MCPH1: variants seen among roughly 807,000 people sequenced by gnomAD.
MCPH1 encodes the protein microcephalin.
MCPH1 carries 104 observed loss-of-function variants against 84.5 expected under a neutral mutation model. The observed-to-expected ratio is 1.23, with a 90% CI of 1.05 to 1.45. The LOEUF (loss-of-function observed/expected upper bound fraction) is 1.45, where lower values mean the gene tolerates loss of function less well. MCPH1 is among the 40% of genes most tolerant of loss of function. The pLI, the probability that MCPH1 is intolerant of heterozygous loss-of-function variation, is 0.00. For synonymous variants in MCPH1, 514 were observed against 366.8 expected (o/e 1.40, Z -4.58); for missense variants, 1,498 against 1,005.7 (o/e 1.49, Z -6.62).
In MCPH1 at chr8:6,643,055, A is replaced by T; in HGVS notation, c.*6A>T. On this transcript the variant is annotated 3_prime_UTR_variant, in exon 14 of 14. Coordinates refer to ENST00000344683, the MANE Select transcript of MCPH1 (RefSeq NM_024596.5). ...ACTACCTATTGTCACAATGACAGTGACCTCACTGGCCTGTGGTGACTGCAC... is the reference window on the plus strand; with the variant it reads ...ACTACCTATTGTCACAATGACAGTGTCCTCACTGGCCTGTGGTGACTGCAC... 1 of 1,613,052 alleles carries T rather than the reference A, an allele frequency of 6.2e-7. No homozygotes were observed. Among genetic ancestry groups the T allele is most frequent in the Non-Finnish European group, 8.5e-7 (1 of 1,179,104 alleles).
intron 12 of MCPH1, among the ~76,000 whole-genome samples, chr8:6,603,296 T>C (rs900420713): frequency 1.3e-5 from 2 of 152,006 alleles, no homozygotes; most frequent in African/African-American, 4.8e-5. Flanking sequence ...TCACTGGTGA[T>C]TGTGCAGGGG....
chr8:6,526,443 A>C lies in MCPH1; in HGVS notation c.2214+26514A>C, dbSNP rs547799325. ...GAGTGAGACCCTGTCTCAAAAAAAAAACACAGAAAAGAAAATGAAATTAGC... is the reference window on the plus strand; with the variant it reads ...GAGTGAGACCCTGTCTCAAAAAAAACACACAGAAAAGAAAATGAAATTAGC... On this transcript the variant is annotated intron_variant, in intron 12 of 13. Transcript: ENST00000344683. Among the ~76,000 whole-genome samples the C allele has an allele frequency of 2.1e-3, 320 of 152,180 alleles. 1 individual carries two copies. The highest frequency in any genetic ancestry group is 3.1e-3 in the Admixed American group (47 of 15,266).
Position 6,445,252 on chromosome 8 carries a change from T to G in MCPH1, c.1530T>G (p.Cys510Trp), listed in dbSNP as rs1333771271. The change falls in exon 8 of 14, where the codon TGT (cysteine) becomes TGG (tryptophan). Residue 510 changes from cysteine (C) to tryptophan (W), a missense_variant. By Grantham distance (215) the Cys-to-Trp change is radical. Transcript: ENST00000344683. The part of the protein sequence containing the change: ...TSAPEEALRC[C>W]RQAGKEDACP... Reference sequence around the variant, plus strand: ...CCCCTGAAGAAGCCCTAAGGTGTTGTAGACAGGCTGGGAAAGAAGACGCAT... The same window carrying G: ...CCCCTGAAGAAGCCCTAAGGTGTTGGAGACAGGCTGGGAAAGAAGACGCAT... The G allele has an allele frequency of 6.2e-7, 1 of 1,614,194 alleles. No homozygotes were observed. The highest frequency in any genetic ancestry group is 8.5e-7 in the Non-Finnish European group (1 of 1,180,028).
At chr8:6,440,004 T>A (rs1803270019) in intron 6 of MCPH1, among the ~76,000 whole-genome samples, 1 of 152,218 alleles carries the variant, frequency 6.6e-6, no homozygotes, top group African/African-American at 2.4e-5. Context: ...GAGGTGTAAT[T>A]TCTGTTTTAC....
At chr8:6,477,308 G>A (rs1318038421) in intron 9 of MCPH1, 7 of 403,188 alleles carry the variant, frequency 1.7e-5, no homozygotes, top group African/African-American at 1.0e-4. Flanking sequence ...ACACTTGGAG[G>A]TCTGCTGGCT....
At chr8:6,605,110 C>G (rs1829656590) in intron 12 of MCPH1, among the ~76,000 whole-genome samples, 1 of 152,200 alleles carries the variant, frequency 6.6e-6, no homozygotes, top group South Asian at 2.1e-4. Context: ...CCTGGTCCCA[C>G]AGCAGGTGCT....
At chr8:6,418,738 C>A (rs762222040) in intron 3 of MCPH1, among the ~76,000 whole-genome samples, 1 of 152,034 alleles carries the variant, frequency 6.6e-6, no homozygotes, top group Non-Finnish European at 1.5e-5. Context: ...CGTGCCACCA[C>A]GCCCAGCTAA....
intron 8 of MCPH1, 160 bp downstream of exon 8, chr8:6,445,707 A>G: frequency 1.4e-6 from 2 of 1,421,008 alleles, no homozygotes; most frequent in Non-Finnish European, 1.8e-6. Flanking sequence ...TAAACTCTTT[A>G]GGAATAGATG....
chr8:6,416,851 A>T (rs1024555718), intron 3 of MCPH1, among the ~76,000 whole-genome samples: 3 of 152,008 alleles, frequency 2.0e-5, no homozygotes, highest in African/African-American at 7.2e-5. Flanking sequence ...AAAATTAGCC[A>T]GTCATGTTGG....
At chr8:6,469,820 A>G (rs549233669) in intron 9 of MCPH1, among the ~76,000 whole-genome samples, 7 of 152,308 alleles carry the variant, frequency 4.6e-5, no homozygotes, top group Non-Finnish European at 4.4e-5. Context: ...CATGCATTCA[A>G]TACTCTTTTT....
intron 12 of MCPH1, among the ~76,000 whole-genome samples, chr8:6,577,618 C>G (rs1268367359): frequency 1.3e-5 from 2 of 152,256 alleles, no homozygotes; most frequent in African/African-American, 4.8e-5. Context: ...TTGCATGAAG[C>G]TAAATCTTTG....
rs1307856075 is a variant in MCPH1 at position 6,511,154 on chromosome 8, T to C, written c.2214+11225T>C. 2.6e-5 allele frequency among the ~76,000 whole-genome samples: 4 copies of C among 152,342 alleles called. 1 individual carries two copies. The East Asian group carries it at 7.7e-4, about 29-fold the overall frequency. On this transcript the variant is annotated intron_variant, in intron 12 of 13. Transcript: ENST00000344683. ...AGAAAAATAAGGGAGAATACTATTT[T>C]TTATGAGTCTCTGTTAGAAAGGTTT...
intron 12 of MCPH1, among the ~76,000 whole-genome samples, chr8:6,509,469 G>C (rs956316753): frequency 1.3e-5 from 2 of 152,180 alleles, no homozygotes; most frequent in Admixed American, 6.5e-5. Context: ...TCCGCAGGGG[G>C]CCCCGGGGGG....
At chr8:6,421,397 C>G (rs1485632061) in intron 3 of MCPH1, among the ~76,000 whole-genome samples, 2 of 152,154 alleles carry the variant, frequency 1.3e-5, no homozygotes, top group East Asian at 3.9e-4. Flanking sequence ...AATACTTCAA[C>G]ACATGGATCA....
chr8:6,608,933 C>T (rs1388766967), intron 12 of MCPH1, among the ~76,000 whole-genome samples: 1 of 152,206 alleles, frequency 6.6e-6, no homozygotes, highest in Non-Finnish European at 1.5e-5. Context: ...ATTCTAACAG[C>T]TTCCCAGGCG....
At chr8:6,537,829 C>G (rs1414953572) in intron 12 of MCPH1, among the ~76,000 whole-genome samples, 2 of 152,122 alleles carry the variant, frequency 1.3e-5, no homozygotes, top group Non-Finnish European at 2.9e-5. Flanking sequence ...CTATCCCCAA[C>G]TTGGAGATTC....
At chr8:6,478,537 G>A (rs1975623) in intron 10 of MCPH1, among the ~76,000 whole-genome samples, 146,069 of 152,274 alleles carry the variant, frequency 0.96, 70,350 homozygotes, top group East Asian at 1. Context: ...CATTTAGGCC[G>A]TCTTCTTGTC....
At chr8:6,468,254 A>T (rs1374770775) in intron 9 of MCPH1, among the ~76,000 whole-genome samples, 1 of 151,890 alleles carries the variant, frequency 6.6e-6, no homozygotes, top group Non-Finnish European at 1.5e-5. Context: ...GGAATTCCCT[A>T]TGGTCCTTTG....
chr8:6,518,896 A>G lies in MCPH1; in HGVS notation c.2214+18967A>G, dbSNP rs192671030. 1.6e-4 allele frequency among the ~76,000 whole-genome samples: 25 copies of G among 152,280 alleles called. No homozygotes were observed. In the East Asian group the frequency reaches 1.7e-3, roughly 11 times the overall value. On this transcript the variant is annotated intron_variant, in intron 12 of 13. Transcript: ENST00000344683. Reference sequence around the variant, plus strand: ...AATGTTTAAGAGAAGCCACATTGAAATATTCTCCGGAAGGGTTTTTTTTTT... The same window carrying G: ...AATGTTTAAGAGAAGCCACATTGAAGTATTCTCCGGAAGGGTTTTTTTTTT...
Sources: gnomAD v4.1 joint callset for allele counts (sites outside exome capture counted in the v4.1 genomes callset) on GRCh38, gnomAD v4.1.1 for gene constraint, MANE v1.5 for transcripts, NCBI Gene and HGNC (gene_info 2026-07-23, HGNC 2026-07-21) for gene names.